KIAA1549L: variants seen among roughly 807,000 people sequenced by gnomAD.
The protein encoded by KIAA1549L is UPF0606 protein KIAA1549L.
KIAA1549L carries 88 observed loss-of-function variants against 160.7 expected under a neutral mutation model. The ratio of observed to expected loss-of-function variants is 0.55; its 90% CI spans 0.46 to 0.65. KIAA1549L has a LOEUF of 0.65. Among genes scored for constraint, KIAA1549L ranks in the 30% least tolerant of loss-of-function variants. The pLI, the probability that KIAA1549L is intolerant of heterozygous loss-of-function variation, is 0.00. For missense variants in KIAA1549L, 2,258 were observed against 2,437.5 expected (o/e 0.93, Z 1.55); for synonymous variants, 950 against 976.7 (o/e 0.97, Z 0.51).
At chr11:33,634,345 C>T (rs1008090318) in intron 16 of KIAA1549L, among the ~76,000 whole-genome samples, 7 of 152,124 alleles carry the variant, frequency 4.6e-5, no homozygotes, top group Non-Finnish European at 5.9e-5. Flanking sequence ...GCCCGGCCTG[C>T]GCTTACTGCT....
Position 33,653,225 on chromosome 11 carries a change from G to A in KIAA1549L, c.5761-2787G>A, listed in dbSNP as rs144437589. Among the ~76,000 whole-genome samples the A allele has an allele frequency of 1.1e-3, 168 of 152,338 alleles. 1 individual carries two copies. The highest frequency in any genetic ancestry group is 2.3e-3 in the South Asian group (11 of 4,828). On this transcript the variant is annotated intron_variant, in intron 17 of 20. Coordinates refer to ENST00000658780, the MANE Select transcript of KIAA1549L (RefSeq NM_012194.3). ...TACTGCACTCCAAGGCATTTAGGATGTAGTGGAGCTGAAGATTTGGTTCCC... is the reference window on the plus strand; with the variant it reads ...TACTGCACTCCAAGGCATTTAGGATATAGTGGAGCTGAAGATTTGGTTCCC...
At chr11:33,539,955 G>A (rs1029950165) in intron 1 of KIAA1549L, among the ~76,000 whole-genome samples, 1 of 152,218 alleles carries the variant, frequency 6.6e-6, no homozygotes, top group Non-Finnish European at 1.5e-5. Context: ...GGAATACTGT[G>A]TTTCATAGGA....
At chr11:33,546,040 T>A (rs1348196777) in intron 3 of KIAA1549L, among the ~76,000 whole-genome samples, 1 of 152,168 alleles carries the variant, frequency 6.6e-6, no homozygotes. Context: ...TGGAATGCTG[T>A]CTTTTAAGCC....
rs558558943 is a variant in KIAA1549L, at chr11:33,665,941, A to T, written c.6160-1932A>T. On this transcript the variant is annotated intron_variant, in intron 20 of 20. Transcript: ENST00000658780. ...TGCCTGGGAGGGTGGCTGCAGCTGC[A>T]CCCAGGGAGCTCCAGACCTGCCAAC... Among the ~76,000 whole-genome samples, 147 of 152,316 alleles carry T rather than the reference A, an allele frequency of 9.7e-4. 1 individual carries two copies. The highest frequency in any genetic ancestry group is 3.4e-3 in the African/African-American group (143 of 41,576).
At chr11:33,422,915 A>G (rs1403343908) in intron 1 of KIAA1549L, among the ~76,000 whole-genome samples, 1 of 152,092 alleles carries the variant, frequency 6.6e-6, no homozygotes, top group African/African-American at 2.4e-5. Flanking sequence ...TACCAATTGT[A>G]TAGGTTTCTG....
At chr11:33,658,929 C>T in intron 19 of KIAA1549L, 31 bp downstream of exon 19, 1 of 1,522,426 alleles carries the variant, frequency 6.6e-7, no homozygotes, top group Non-Finnish European at 8.8e-7. Context: ...AGTGTGCCCC[C>T]CACCACTGCT....
In KIAA1549L at chr11:33,548,875, C is replaced by T. The variant is rs554199053; in HGVS notation, c.3501+996C>T. 6.4e-4 allele frequency among the ~76,000 whole-genome samples: 97 copies of T among 152,276 alleles called. No homozygotes were observed. The Middle Eastern group carries it at 0.01, about 16-fold the overall frequency. The stretch of plus-strand genomic sequence containing the variant: ...GTCAGCTTACTGACCCCCTCCCTCC[C>T]ATCAACACCAAGGACTAGAAAGGAG... On this transcript the variant is annotated intron_variant, in intron 4 of 20. Coordinates refer to ENST00000658780, the MANE Select transcript of KIAA1549L (RefSeq NM_012194.3).
intron 8 of KIAA1549L, 52 bp from the exon 9 acceptor site, chr11:33,568,024 A>G (rs1474433913): frequency 1.3e-6 from 2 of 1,517,442 alleles, no homozygotes; most frequent in African/African-American, 1.4e-5. Flanking sequence ...TGCTTACTGA[A>G]TCAGCAGAAA....
chr11:33,614,575 TATATATA>T (rs1850753913), intron 15 of KIAA1549L, among the ~76,000 whole-genome samples: 22 of 18,590 alleles, frequency 1.2e-3, no homozygotes, highest in Non-Finnish European at 1.3e-3. Flanking sequence ...TATATATATA[TATATATA>T]TATTTTTTTT....
intron 1 of KIAA1549L, among the ~76,000 whole-genome samples, chr11:33,393,499 TAAA>T (rs1344829893): frequency 2.6e-5 from 4 of 152,306 alleles, no homozygotes; most frequent in Non-Finnish European, 5.9e-5. Flanking sequence ...ATCAATGTGT[TAAA>T]AACTATTTTG....
At chr11:33,610,956 G>A (rs146666993) in intron 15 of KIAA1549L, among the ~76,000 whole-genome samples, 48 of 152,296 alleles carry the variant, frequency 3.2e-4, no homozygotes, top group African/African-American at 1.1e-3. Context: ...CCCATGAGGA[G>A]GAGCCCTCAT....
intron 1 of KIAA1549L, among the ~76,000 whole-genome samples, chr11:33,429,796 C>G (rs1282492421): frequency 1.3e-5 from 2 of 152,134 alleles, no homozygotes; most frequent in Non-Finnish European, 2.9e-5. Flanking sequence ...GCTCTGCCTT[C>G]ATATATCTGG....
intron 15 of KIAA1549L, among the ~76,000 whole-genome samples, chr11:33,613,136 G>T (rs1034674634): frequency 6.6e-6 from 1 of 152,128 alleles, no homozygotes; most frequent in African/African-American, 2.4e-5. Context: ...GGAATTGCTG[G>T]CTCAAATGGT....
chr11:33,379,796 A>G (rs545914994), intron 1 of KIAA1549L, among the ~76,000 whole-genome samples: 4 of 152,358 alleles, frequency 2.6e-5, no homozygotes, highest in Admixed American at 6.5e-5. Context: ...AGTGCTTGGT[A>G]TACAGTAGGC....
At chr11:33,575,910 A>G (rs976739672) in intron 10 of KIAA1549L, among the ~76,000 whole-genome samples, 1 of 152,108 alleles carries the variant, frequency 6.6e-6, no homozygotes, top group African/African-American at 2.4e-5. Flanking sequence ...GCTGATGAAG[A>G]TTTCTGAGCT....
intron 16 of KIAA1549L, among the ~76,000 whole-genome samples, chr11:33,623,238 A>G (rs4142963): frequency 0.59 from 89,237 of 151,976 alleles, 26,228 homozygotes; most frequent in Middle Eastern, 0.65. Flanking sequence ...TAAGGGTACA[A>G]CCAGCTTGTT....
intron 1 of KIAA1549L, among the ~76,000 whole-genome samples, chr11:33,429,307 G>A (rs1473615608): frequency 2.0e-5 from 3 of 152,152 alleles, no homozygotes; most frequent in African/African-American, 4.8e-5. Context: ...CCCAAGTGGC[G>A]AATTGACCAT....
chr11:33,390,861 T>A (rs1360067968), intron 1 of KIAA1549L, among the ~76,000 whole-genome samples: 3 of 152,188 alleles, frequency 2.0e-5, no homozygotes, highest in African/African-American at 7.2e-5. Context: ...AACATGATAA[T>A]GGAGTTGGGA....
Position 33,439,210 on chromosome 11 carries a change from C to T in KIAA1549L, c.238+62321C>T, listed in dbSNP as rs748259588. On this transcript the variant is annotated intron_variant, in intron 1 of 20. Transcript: ENST00000658780. ...TACGGGTGTGAGCCACCGTGTCTGG[C>T]CTAAATTGAAATTTTTAATTGTGAA... 2.6e-5 allele frequency among the ~76,000 whole-genome samples: 4 copies of T among 151,668 alleles called. No individual in the cohort carries two copies. In the East Asian group the frequency reaches 7.8e-4, roughly 30 times the overall value.
Sources: gnomAD v4.1 joint callset for allele counts (sites outside exome capture counted in the v4.1 genomes callset) on GRCh38, gnomAD v4.1.1 for gene constraint, MANE v1.5 for transcripts, NCBI Gene and HGNC (gene_info 2026-07-23, HGNC 2026-07-21) for gene names.